The following GALNT17 variants were observed in gnomAD, a reference collection of about 807,000 sequenced individuals.
The protein encoded by GALNT17 is UDP-GalNAc:polypeptide N-acetylgalactosaminyltransferase-like 3.
Under a neutral mutation model 63.7 loss-of-function variants are expected in GALNT17, and 29 were observed. The ratio of observed to expected loss-of-function variants is 0.46; its 90% CI spans 0.34 to 0.62. The LOEUF is 0.62. Ranked by LOEUF, GALNT17 falls within the 20% of genes least tolerant of loss-of-function variation. The pLI is 0.01. For synonymous variants in GALNT17, 305 were observed against 318.3 expected, an observed-to-expected ratio of 0.96 and a Z score of 0.45; for missense variants, 603 against 799.6, an observed-to-expected ratio of 0.75 and a Z score of 2.97.
At chr7:71,491,615 G>A (rs745470176) in intron 5 of GALNT17, among the ~76,000 whole-genome samples, 42 of 152,184 alleles carry the variant, frequency 2.8e-4, no homozygotes, top group Non-Finnish European at 5.3e-4. Flanking sequence ...GCAGACTCCA[G>A]TCCATCCTGA....
chr7:71,454,371 G>A (rs1214970535), intron 5 of GALNT17, among the ~76,000 whole-genome samples: 1 of 152,162 alleles, frequency 6.6e-6, no homozygotes, highest in Non-Finnish European at 1.5e-5. Context: ...ACGGCTTCTG[G>A]CTTCATACAT....
At chr7:71,342,390 A>T (rs1792020515) in intron 2 of GALNT17, among the ~76,000 whole-genome samples, 1 of 151,996 alleles carries the variant, frequency 6.6e-6, no homozygotes, top group Admixed American at 6.6e-5. Flanking sequence ...ATGGAGATCC[A>T]CCCCCATGAT....
chr7:71,165,150 T>C (rs7804724), intron 1 of GALNT17, among the ~76,000 whole-genome samples: 41,987 of 140,582 alleles, frequency 0.3, 6,285 homozygotes, highest in Middle Eastern at 0.43. Context: ...TGGTGGACCA[T>C]AGCTCAAAAT....
At chr7:71,651,697 T>G (rs989354103) in intron 6 of GALNT17, among the ~76,000 whole-genome samples, 7 of 152,312 alleles carry the variant, frequency 4.6e-5, no homozygotes, top group Middle Eastern at 3.4e-3. Context: ...GGATTTTGTT[T>G]TCTTTTTATT....
At chr7:71,710,416 G>A (rs1791775922) in intron 9 of GALNT17, among the ~76,000 whole-genome samples, 1 of 152,168 alleles carries the variant, frequency 6.6e-6, no homozygotes, top group Admixed American at 6.5e-5. Flanking sequence ...GCTGAGGCAA[G>A]AGAATTGCTT....
At chr7:71,590,642 C>T (rs1442616767) in intron 6 of GALNT17, among the ~76,000 whole-genome samples, 1 of 152,226 alleles carries the variant, frequency 6.6e-6, no homozygotes, top group Non-Finnish European at 1.5e-5. Flanking sequence ...GGGGACTCAA[C>T]CTGCCCCTAT....
chr7:71,409,167 A>C (rs2116413275), intron 3 of GALNT17, among the ~76,000 whole-genome samples: 1 of 152,140 alleles, frequency 6.6e-6, no homozygotes, highest in South Asian at 2.1e-4. Context: ...AGGCAGGACA[A>C]GTAGGTCGTA....
At chr7:71,577,127 C>T (rs1276062134) in intron 6 of GALNT17, among the ~76,000 whole-genome samples, 2 of 152,118 alleles carry the variant, frequency 1.3e-5, no homozygotes. Context: ...AACCGAATAC[C>T]ACATGTTCTC....
intron 5 of GALNT17, among the ~76,000 whole-genome samples, chr7:71,529,187 A>T (rs573773370): frequency 6.6e-6 from 1 of 152,156 alleles, no homozygotes; most frequent in South Asian, 2.1e-4. Context: ...TACCAAGCTG[A>T]AGGTCAGTAG....
At chr7:71,233,288 A>G (rs1268769836) in intron 1 of GALNT17, among the ~76,000 whole-genome samples, 1 of 152,020 alleles carries the variant, frequency 6.6e-6, no homozygotes, top group Admixed American at 6.5e-5. Context: ...TCCCATGTTC[A>G]CAGGACTAGG....
chr7:71,602,574 C>T (rs1285472060), intron 6 of GALNT17, among the ~76,000 whole-genome samples: 2 of 152,288 alleles, frequency 1.3e-5, no homozygotes, highest in South Asian at 2.1e-4. Flanking sequence ...CACACAGATT[C>T]GGTTTTGCTT....
intron 3 of GALNT17, among the ~76,000 whole-genome samples, chr7:71,410,267 A>G (rs1005237260): frequency 6.7e-6 from 1 of 148,536 alleles, no homozygotes; most frequent in Non-Finnish European, 1.5e-5. Context: ...TTTTTTTGAG[A>G]CAGAGTCTCA....
At chr7:71,560,752 G>A (rs1213673746) in intron 5 of GALNT17, among the ~76,000 whole-genome samples, 1 of 152,124 alleles carries the variant, frequency 6.6e-6, no homozygotes, top group African/African-American at 2.4e-5. Flanking sequence ...GACCATATAG[G>A]GTTTAGGAAG....
At chr7:71,587,041 C>G (rs534295512) in intron 6 of GALNT17, among the ~76,000 whole-genome samples, 2 of 151,568 alleles carry the variant, frequency 1.3e-5, no homozygotes, top group African/African-American at 4.8e-5. Context: ...TTTGTTTTTT[C>G]TTTTTTGAAA....
chr7:71,594,953 A>G (rs1242740976), intron 6 of GALNT17, among the ~76,000 whole-genome samples: 4 of 152,214 alleles, frequency 2.6e-5, no homozygotes, highest in African/African-American at 4.8e-5. Flanking sequence ...TCTAGGTAAC[A>G]TGAAGTCATT....
chr7:71,176,783 C>T (rs1256747044), intron 1 of GALNT17, among the ~76,000 whole-genome samples: 19 of 152,104 alleles, frequency 1.2e-4, no homozygotes. Flanking sequence ...ATAATGTGGC[C>T]TTCAGTATTT....
At chr7:71,649,853 A>G (rs1164413415) in intron 6 of GALNT17, among the ~76,000 whole-genome samples, 1 of 152,204 alleles carries the variant, frequency 6.6e-6, no homozygotes, top group African/African-American at 2.4e-5. Flanking sequence ...CGTTAACCCT[A>G]TGAGGGCAAT....
rs1208731082 is a variant in GALNT17 at position 71,543,152 on chromosome 7, G to GT, written c.963-28130dup. 1.3e-4 allele frequency among the ~76,000 whole-genome samples: 20 copies of GT among 152,042 alleles called. No homozygotes were observed. In the East Asian group the frequency reaches 3.7e-3, roughly 28 times the overall value. ...GGTTTCATTTCATGGCTGTGAATAT[G>GT]TTTCTCATCTTGTGCCCTGCCTGTG... On this transcript the variant is annotated intron_variant, in intron 5 of 10. Coordinates refer to ENST00000333538, the MANE Select transcript of GALNT17 (RefSeq NM_022479.3).
At chr7:71,292,308 G>A (rs1027950494) in intron 1 of GALNT17, among the ~76,000 whole-genome samples, 1 of 152,144 alleles carries the variant, frequency 6.6e-6, no homozygotes, top group Admixed American at 6.5e-5. Context: ...CAGACATCAG[G>A]CACACCTTGG....
Sources: allele counts gnomAD v4.1 joint callset (sites outside exome capture counted in the v4.1 genomes callset), GRCh38; gene constraint gnomAD v4.1.1; transcripts MANE v1.5; gene names NCBI Gene and HGNC (gene_info 2026-07-23, HGNC 2026-07-21).